The following ADGRL3 variants were observed in gnomAD, a reference collection of about 807,000 sequenced individuals.
ADGRL3 encodes calcium-independent alpha-latrotoxin receptor 3.
Under a neutral mutation model 153.5 loss-of-function variants are expected in ADGRL3, and 62 were observed. The observed-to-expected ratio is 0.40, with a 90% CI of 0.33 to 0.50. ADGRL3 has a LOEUF of 0.50. ADGRL3 is among the 20% of genes least tolerant of loss of function. ADGRL3 has a pLI of 0.47. For missense variants in ADGRL3, 1,641 were observed against 1,859.4 expected, an observed-to-expected ratio of 0.88 and a Z score of 2.16; for synonymous variants, 710 against 672.5, an observed-to-expected ratio of 1.06 and a Z score of -0.86.
Position 61,312,535 on chromosome 4 carries a change from C to G in ADGRL3, c.-239-70589C>G, listed in dbSNP as rs78625608. ...GGCTTATATTTGAAACATACAAAAA[C>G]TTCTTAAAACCCAATAAGAAAACAA... is the stretch of plus-strand genomic sequence containing the variant. On this transcript the variant is annotated intron_variant, in intron 1 of 26. Coordinates refer to ENST00000683033, the MANE Select transcript of ADGRL3 (RefSeq NM_001387552.1). Among the ~76,000 whole-genome samples the G allele has an allele frequency of 3.5e-3, 539 of 152,208 alleles. 3 individuals carry two copies. The highest frequency in any genetic ancestry group is 0.013 in the African/African-American group (520 of 41,542).
intron 9 of ADGRL3, among the ~76,000 whole-genome samples, chr4:61,877,999 C>T (rs1212610879): frequency 6.6e-6 from 1 of 152,144 alleles, no homozygotes; most frequent in African/African-American, 2.4e-5. Flanking sequence ...GCCTTGCCTC[C>T]CCTTCACCTT....
chr4:61,258,322 C>T lies in ADGRL3; in HGVS notation c.-240+56557C>T, dbSNP rs532238577. ...GAATCCTCTCTACATACAGCTCTTG[C>T]TATATTTAGTACCCACCAGGATCCC... On this transcript the variant is annotated intron_variant, in intron 1 of 26. Coordinates refer to ENST00000683033, the MANE Select transcript of ADGRL3 (RefSeq NM_001387552.1). Among the ~76,000 whole-genome samples the T allele has an allele frequency of 3.2e-4, 48 of 152,254 alleles. 1 individual carries two copies. Among genetic ancestry groups the T allele is most frequent in the South Asian group, 2.3e-3 (11 of 4,820 alleles).
chr4:61,751,034 A>G (rs930347850), intron 8 of ADGRL3, among the ~76,000 whole-genome samples: 1 of 152,154 alleles, frequency 6.6e-6, no homozygotes, highest in African/African-American at 2.4e-5. Flanking sequence ...GCCTCCTGTC[A>G]GATCAACAGT....
chr4:61,777,647 A>C (rs1485202780), intron 8 of ADGRL3, among the ~76,000 whole-genome samples: 1 of 152,198 alleles, frequency 6.6e-6, no homozygotes, highest in Non-Finnish European at 1.5e-5. Context: ...TTATCCAGCT[A>C]ACTAATTGGC....
intron 19 of ADGRL3, among the ~76,000 whole-genome samples, chr4:61,994,700 C>T (rs1204112816): frequency 6.6e-6 from 1 of 152,036 alleles, no homozygotes; most frequent in Non-Finnish European, 1.5e-5. Flanking sequence ...ACTTCTAGTG[C>T]TCTCTACTCT....
chr4:61,863,615 C>G (rs1186541225), intron 9 of ADGRL3, among the ~76,000 whole-genome samples: 1 of 152,172 alleles, frequency 6.6e-6, no homozygotes, highest in East Asian at 1.9e-4. Flanking sequence ...AATATGCAAA[C>G]AGACACACAT....
At position 61,789,532 on chromosome 4, in the gene ADGRL3, C is replaced by A. The variant is rs530415445; in HGVS notation, c.1400-24277C>A. On this transcript the variant is annotated intron_variant, in intron 8 of 26. Transcript: ENST00000683033. ...AGATTTACTTTTTCTTTAAAATACA[C>A]AATAAAGTTCCATTTGCTTCAATTT... is the stretch of plus-strand genomic sequence containing the variant. Among the ~76,000 whole-genome samples the A allele has an allele frequency of 2.6e-5, 4 of 152,196 alleles. No homozygotes were observed. In the South Asian group the frequency reaches 8.3e-4, roughly 32 times the overall value.
chr4:61,643,071 A>T (rs1178146747), intron 5 of ADGRL3, among the ~76,000 whole-genome samples: 5 of 152,180 alleles, frequency 3.3e-5, no homozygotes, highest in African/African-American at 4.8e-5. Context: ...GAGATCACTC[A>T]TGATTTGGCT....
chr4:61,316,303 T>A (rs2095211440), intron 1 of ADGRL3, among the ~76,000 whole-genome samples: 1 of 152,232 alleles, frequency 6.6e-6, no homozygotes, highest in Non-Finnish European at 1.5e-5. Context: ...GAAAGACCAG[T>A]GTGGCTGGCA....
Position 61,824,421 on chromosome 4 carries a change from G to T in ADGRL3, c.1480+10532G>T, listed in dbSNP as rs557025960. 5.9e-5 allele frequency among the ~76,000 whole-genome samples: 9 copies of T among 152,290 alleles called. No homozygotes were observed. The East Asian group carries it at 1.7e-3, about 29-fold the overall frequency. On this transcript the variant is annotated intron_variant, in intron 9 of 26. Coordinates refer to ENST00000683033, the MANE Select transcript of ADGRL3 (RefSeq NM_001387552.1). ...TATACAAGTTAATGTACTAAATCTT[G>T]TAAAATATTAAAATGTAATCTTTGA...
chr4:61,992,483 A>G (rs1479627220), intron 19 of ADGRL3, among the ~76,000 whole-genome samples: 4 of 152,166 alleles, frequency 2.6e-5, no homozygotes, highest in African/African-American at 9.7e-5. Flanking sequence ...GAAGAGGAGG[A>G]AATACAGAAG....
chr4:61,621,523 T>A (rs1579911552), intron 5 of ADGRL3, among the ~76,000 whole-genome samples: 1 of 152,332 alleles, frequency 6.6e-6, no homozygotes, highest in East Asian at 1.9e-4. Flanking sequence ...TGAATATTTT[T>A]AATTAATGAA....
chr4:61,846,731 G>A (rs1299727243), intron 9 of ADGRL3, among the ~76,000 whole-genome samples: 1 of 151,830 alleles, frequency 6.6e-6, no homozygotes, highest in Non-Finnish European at 1.5e-5. Flanking sequence ...ACATGGTGCT[G>A]GCATCTGCTT....
chr4:62,049,280 G>T (rs1050263428), intron 25 of ADGRL3, among the ~76,000 whole-genome samples: 1 of 151,984 alleles, frequency 6.6e-6, no homozygotes, highest in African/African-American at 2.4e-5. Flanking sequence ...TTAGAAAAAA[G>T]GGCATTTTGT....
intron 1 of ADGRL3, among the ~76,000 whole-genome samples, chr4:61,294,148 G>T (rs1291024288): frequency 6.6e-6 from 1 of 152,084 alleles, no homozygotes; most frequent in Non-Finnish European, 1.5e-5. Flanking sequence ...GTGCAGTAAG[G>T]CACTCTTGTT....
intron 21 of ADGRL3, among the ~76,000 whole-genome samples, chr4:62,001,242 C>A (rs1232524605): frequency 6.6e-6 from 1 of 152,014 alleles, no homozygotes; most frequent in Non-Finnish European, 1.5e-5. Context: ...AGAGCAATTC[C>A]ACTACATTGG....
At chr4:61,639,968 A>C (rs1456478889) in intron 5 of ADGRL3, among the ~76,000 whole-genome samples, 1 of 152,150 alleles carries the variant, frequency 6.6e-6, no homozygotes, top group Non-Finnish European at 1.5e-5. Context: ...AAAGGAGCAC[A>C]GAATTGTCTG....
chr4:61,214,371 T>A (rs1316609729), intron 1 of ADGRL3, among the ~76,000 whole-genome samples: 1 of 152,194 alleles, frequency 6.6e-6, no homozygotes, highest in Non-Finnish European at 1.5e-5. Flanking sequence ...ATCTCTTAAG[T>A]TCATCTAAAG....
intron 17 of ADGRL3, 108 bp from the exon 18 acceptor site, chr4:61,979,455 G>A: frequency 1.2e-6 from 1 of 853,128 alleles, no homozygotes; most frequent in Non-Finnish European, 2.0e-6. Flanking sequence ...GGGTATAGAG[G>A]GTATTTTGTG....
Sources: gnomAD v4.1 joint callset for allele counts (sites outside exome capture counted in the v4.1 genomes callset) on GRCh38, gnomAD v4.1.1 for gene constraint, MANE v1.5 for transcripts, NCBI Gene and HGNC (gene_info 2026-07-23, HGNC 2026-07-21) for gene names.